The following MX1 variants were observed in gnomAD, a reference collection of about 807,000 sequenced individuals.
MX1 encodes the protein interferon-induced GTP-binding protein Mx1.
A neutral mutation model predicts 66.4 loss-of-function variants in MX1; 66 were observed. That is an observed-to-expected ratio of 0.99 (90% CI 0.82 to 1.22). MX1 has a LOEUF of 1.22. Among genes scored for constraint, MX1 ranks in the 50% most tolerant of loss-of-function variants. The probability of loss-of-function intolerance (pLI) is 0.00; values close to 1 mark genes in which losing one functional copy is unlikely to be tolerated. For missense variants in MX1, 787 were observed against 834.3 expected, an observed-to-expected ratio of 0.94 and a Z score of 0.70; for synonymous variants, 311 against 318.1, an observed-to-expected ratio of 0.98 and a Z score of 0.24.
At chr21:41,447,005 T>A (rs364143) in intron 13 of MX1, among the ~76,000 whole-genome samples, 80,013 of 152,098 alleles carry the variant, frequency 0.53, 21,638 homozygotes, top group Non-Finnish European at 0.6. Context: ...CACTGATGAA[T>A]TGATAAACCA....
chr21:41,431,976 G>A, intron 4 of MX1, 74 bp from the exon 5 acceptor site: 2 of 1,229,014 alleles, frequency 1.6e-6, no homozygotes, highest in South Asian at 2.6e-5. Flanking sequence ...CTTCCGTTCT[G>A]GTGGTGGGTT....
intron 14 of MX1, 92 bp from the exon 15 acceptor site, chr21:41,451,075 C>T: frequency 1.2e-6 from 1 of 861,244 alleles, no homozygotes. Context: ...GGAAACTTTA[C>T]TTCATACCAT....
In MX1 at chr21:41,445,495, A is replaced by G. The variant is rs145912542; in HGVS notation, c.1056A>G (p.Arg352=). The stretch of plus-strand genomic sequence containing the variant: ...ATCAAATCAAGGAGACTCACCAGAG[A>G]ATAACAGAGGAGCTACAAAAGTATG... ...LENQIKETHQ[R]ITEELQKYGV... is the part of the protein sequence containing the mutation. Residue 352 remains arginine (R), a synonymous_variant, in exon 12 of 17, where the codon AGA becomes AGG. Transcript: ENST00000398598. The G allele has an allele frequency of 6.2e-7, 1 of 1,614,078 alleles. No homozygotes were observed. The highest frequency in any genetic ancestry group is 8.5e-7 in the Non-Finnish European group (1 of 1,180,028).
At chr21:41,425,960 C>G (rs2090049379), upstream of MX1, 1 of 152,890 alleles carries the variant, frequency 6.5e-6, no homozygotes, top group Non-Finnish European at 1.5e-5. Context: ...TACGTGCAGG[C>G]TTGGATGACT....
chr21:41,439,763 G>A lies in MX1; in HGVS notation c.506G>A (p.Arg169Gln), dbSNP rs773976344. 27 of 1,614,010 alleles carry A rather than the reference G, an allele frequency of 1.7e-5. No individual in the cohort carries two copies. The highest frequency in any genetic ancestry group is 3.3e-5 in the Admixed American group (2 of 59,978). ...HELITLEISS[R>Q]DVPDLTLIDL... Reference sequence around the variant, plus strand: ...CTAATCACCCTGGAGATCAGCTCCCGAGATGTCCCGGATCTGACTCTAATA... The same window carrying A: ...CTAATCACCCTGGAGATCAGCTCCCAAGATGTCCCGGATCTGACTCTAATA... Residue 169 changes from arginine (R) to glutamine (Q), a missense_variant, in exon 8 of 17, where the codon CGA (arginine) becomes CAA (glutamine). Physicochemically the swap from Arg to Gln is conservative, Grantham distance 43. Coordinates refer to ENST00000398598, the MANE Select transcript of MX1 (RefSeq NM_002462.5).
At chr21:41,449,822 G>A (rs2075810) in intron 14 of MX1, 50,077 of 152,086 alleles carry the variant, frequency 0.33, 8,894 homozygotes, top group African/African-American at 0.46. Flanking sequence ...ACCTCACCGC[G>A]GAGAAGGTTT....
In MX1 at chr21:41,432,117, C is replaced by A. The variant is rs781297974; in HGVS notation, c.47C>A (p.Ala16Glu). 1.9e-6 allele frequency: 3 copies of A among 1,614,174 alleles called. No homozygotes were observed. In the South Asian group the frequency reaches 3.3e-5, roughly 18 times the overall value. ...ATCGCAAAAGCTGATCCAGCTGCTG[C>A]ATCCCACCCTCTATTACTGAATGGA... ...VDIAKADPAAASHPLLLNGDA... is the reference protein window; with the variant it reads ...VDIAKADPAAESHPLLLNGDA... The change falls in exon 5 of 17, where the codon GCA becomes GAA. Residue 16 changes from alanine (A) to glutamate (E), a missense_variant. Transcript: ENST00000398598.
In MX1 at chr21:41,441,597, G is replaced by C; in HGVS notation, c.731-119G>C. 1.9e-6 allele frequency: 2 copies of C among 1,026,842 alleles called. No homozygotes were observed. The highest frequency in any genetic ancestry group is 3.0e-6 in the Non-Finnish European group (2 of 659,900). 63.6% of individuals were successfully genotyped at this position (1,026,842 alleles called of 1,614,324 possible). ...GCCCCCATGGTTCTGCAGGGGCTAT[G>C]GCCTGTCCTCAAGCAAGGATGGGAG... On this transcript the variant is annotated intron_variant, in intron 9 of 16. Coordinates refer to ENST00000398598, the MANE Select transcript of MX1 (RefSeq NM_002462.5). The surrounding 1 kb of genome is among the most constrained non-coding windows in gnomAD (Gnocchi z 4.0).
intron 14 of MX1, among the ~76,000 whole-genome samples, chr21:41,450,437 G>A (rs1432353557): frequency 6.6e-6 from 1 of 152,110 alleles, no homozygotes; most frequent in East Asian, 1.9e-4. Flanking sequence ...ATGAACTAAG[G>A]AGCTGGAGAT....
chr21:41,441,272 C>G lies in MX1; in HGVS notation c.730+247C>G, dbSNP rs1484969806. The G allele has an allele frequency of 7.8e-6, 4 of 510,234 alleles. No homozygotes were observed. Among genetic ancestry groups the G allele is most frequent in the African/African-American group, 5.7e-5 (3 of 52,288 alleles). The allele number at this position is 510,234 out of a possible 1,614,324, so 31.6% of individuals were successfully genotyped here. A position where few individuals can be genotyped will look rare whatever the true frequency, so the allele number is the denominator to read the frequency against. ...GCTAAGGGAGCAGGTTTGGTGCCCA[C>G]CAAGGCCAAGTGAAATGAGCTGCTT... is the stretch of plus-strand genomic sequence containing the variant. On this transcript the variant is annotated intron_variant, in intron 9 of 16. Coordinates refer to ENST00000398598, the MANE Select transcript of MX1 (RefSeq NM_002462.5). The surrounding 1 kb of genome is among the most constrained non-coding windows in gnomAD (Gnocchi z 4.0).
chr21:41,431,553 G>T (rs1360837664), intron 4 of MX1, among the ~76,000 whole-genome samples: 1 of 151,112 alleles, frequency 6.6e-6, no homozygotes, highest in Non-Finnish European at 1.5e-5. Context: ...TCAGCTGACT[G>T]CATCCTCTGC....
intron 16 of MX1, among the ~76,000 whole-genome samples, chr21:41,456,572 G>A (rs139909107): frequency 3.9e-5 from 6 of 152,188 alleles, no homozygotes; most frequent in Middle Eastern, 3.4e-3. Flanking sequence ...GAATACCTCC[G>A]CAGCAATACC....
intron 10 of MX1, 55 bp from the exon 11 acceptor site, chr21:41,443,733 G>A: frequency 1.9e-6 from 3 of 1,554,800 alleles, no homozygotes; most frequent in Non-Finnish European, 2.7e-6. Flanking sequence ...CAAAAAGGCA[G>A]ACATGCGTGT....
At position 41,452,757 on chromosome 21, in the gene MX1, A is replaced by C. The variant is rs1330751243; in HGVS notation, c.1646A>C (p.Glu549Ala). ...GCATTGCAGAAGGTCAGAGAGAAGG[A>C]GCTGGAAGAAGAAAAGAAGAAGAAA... is the stretch of plus-strand genomic sequence containing the variant. ...RGALQKVREK[E>A]LEEEKKKKSW... is the part of the protein sequence containing the mutation. The change falls in exon 16 of 17, where the codon GAG becomes GCG. Residue 549 changes from glutamate (E) to alanine (A), a missense_variant. Physicochemically the swap from Glu to Ala is moderately radical, Grantham distance 107 (BLOSUM62 -1). Coordinates refer to ENST00000398598, the MANE Select transcript of MX1 (RefSeq NM_002462.5). The C allele has an allele frequency of 1.2e-6, 2 of 1,614,066 alleles. No individual in the cohort carries two copies. The highest frequency in any genetic ancestry group is 4.5e-5 in the East Asian group (2 of 44,888).
upstream of MX1, among the ~76,000 whole-genome samples, chr21:41,424,247 G>GTT: frequency 6.6e-6 from 1 of 151,986 alleles, no homozygotes; most frequent in Non-Finnish European, 1.5e-5. Flanking sequence ...GTGTGTGTGT[G>GTT]TGTGTGTGTG....
At position 41,449,303 on chromosome 21, in the gene MX1, C is replaced by T; in HGVS notation, c.1432+8C>T. ...TGCTACACACCGTGACGGGTGAGTGCTCAGTTTCACCTCTGAGCATTGATT... is the reference window on the plus strand; with the variant it reads ...TGCTACACACCGTGACGGGTGAGTGTTCAGTTTCACCTCTGAGCATTGATT... On this transcript the variant is annotated splice_region_variant and intron_variant, in intron 14 of 16. Transcript: ENST00000398598. 6.2e-7 allele frequency: 1 copy of T among 1,606,086 alleles called. No individual in the cohort carries two copies. Among genetic ancestry groups the T allele is most frequent in the Non-Finnish European group, 8.5e-7 (1 of 1,177,416 alleles).
intron 16 of MX1, 67 bp downstream of exon 16, chr21:41,452,936 T>C: frequency 1.3e-6 from 2 of 1,573,896 alleles, no homozygotes; most frequent in South Asian, 2.4e-5. Context: ...GCCTCTCTCT[T>C]TAGTCTTGCT....
Position 41,458,765 on chromosome 21 carries a change from TCTGTCCAGCCCCGTAGACGTGCACGCACA to T in MX1, c.*13_*41del, listed in dbSNP as rs755449595. On this transcript the variant is annotated 3_prime_UTR_variant, in exon 17 of 17. Coordinates refer to ENST00000398598, the MANE Select transcript of MX1 (RefSeq NM_002462.5). ...TGCCCAGTTCCCCGGTTAACCACAC[TCTGTCCAGCCCCGTAGACGTGCACGCACA>T]CTGTCTGCCCCCGTTCCCGGGTAGC... The T allele has an allele frequency of 2.1e-4, 336 of 1,607,758 alleles. 3 individuals carry two copies. In the East Asian group the frequency reaches 7.0e-3, roughly 33 times the overall value.
At chr21:41,456,006 C>A (rs1374651258) in intron 16 of MX1, among the ~76,000 whole-genome samples, 1 of 152,168 alleles carries the variant, frequency 6.6e-6, no homozygotes, top group Non-Finnish European at 1.5e-5. Context: ...CTCTGGAAGG[C>A]TGAGGTGGGT....
Sources: gnomAD v4.1 joint callset for allele counts (sites outside exome capture counted in the v4.1 genomes callset) on GRCh38, gnomAD v4.1.1 for gene constraint, Gnocchi (gnomAD v3.1) non-coding constraint, MANE v1.5 for transcripts, NCBI Gene and HGNC (gene_info 2026-07-23, HGNC 2026-07-21) for gene names.